Variants in FANCB observed in about 807,000 individuals in gnomAD.
FANCB encodes the protein FA complementation group B, also known as Fanconi anemia group B protein.
In FANCB, 5 loss-of-function variants were observed where a neutral mutation model predicts 38.9. The ratio of observed to expected loss-of-function variants is 0.13; its 90% CI spans 0.07 to 0.27. The LOEUF (loss-of-function observed/expected upper bound fraction) is 0.27, where lower values mean the gene tolerates loss of function less well. Ranked by LOEUF, FANCB falls within the 10% of genes least tolerant of loss-of-function variation. FANCB has a pLI of 1.00. For synonymous variants in FANCB, 236 were observed against 215.4 expected, an observed-to-expected ratio of 1.10 and a Z score of -0.84; for missense variants, 573 against 602.7, an observed-to-expected ratio of 0.95 and a Z score of 0.52.
chrX:14,691,271 CTG>C, the FANCB span, among the ~76,000 whole-genome samples: 6,574 of 84,740 alleles, frequency 0.078, 223 homozygotes, highest in East Asian at 0.15. Flanking sequence ...TAAATATTGA[CTG>C]TGTGTGTGTG....
rs2092409623 is a variant in FANCB, at chrX:14,853,270, C to A, written c.1198-103G>T. 26 of 743,788 alleles carry A rather than the reference C, an allele frequency of 3.5e-5. No individual in the cohort carries two copies. In the South Asian group the frequency reaches 6.7e-4, roughly 19 times the overall value. The allele number at this position is 743,788 out of a possible 1,213,427, so 61.3% of individuals were successfully genotyped here. ...CTTTCTCCAAATGTGCTTATCAATT[C>A]ATTTTTCTATAGAAAATAAAATACT... On this transcript the variant is annotated intron_variant, in intron 5 of 9. Transcript: ENST00000650831.
At chrX:14,710,169 A>G in the FANCB span, among the ~76,000 whole-genome samples, 47 of 111,678 alleles carry the variant, frequency 4.2e-4, no homozygotes, top group South Asian at 0.017. Flanking sequence ...CCAAATATAG[A>G]TCTGATCCTA....
At chrX:14,809,907 A>G in the FANCB span, among the ~76,000 whole-genome samples, 1 of 112,316 alleles carries the variant, frequency 8.9e-6, no homozygotes, top group Non-Finnish European at 1.9e-5. Context: ...CCTGACCCCC[A>G]AGCAGCCTAA....
the FANCB span, among the ~76,000 whole-genome samples, chrX:14,750,230 A>T: frequency 1.8e-5 from 2 of 111,794 alleles, no homozygotes; most frequent in East Asian, 5.7e-4. Context: ...GAGTGTGGGG[A>T]CTTCCCTGGT....
chrX:14,809,115 G>A, the FANCB span, among the ~76,000 whole-genome samples: 1 of 112,341 alleles, frequency 8.9e-6, no homozygotes, highest in Non-Finnish European at 1.9e-5. Context: ...ACTACCCATA[G>A]CAATCTATAG....
chrX:14,780,685 C>T, the FANCB span, among the ~76,000 whole-genome samples: 2 of 110,594 alleles, frequency 1.8e-5, no homozygotes, highest in African/African-American at 6.8e-5. Context: ...CCCTGCATTG[C>T]GGTACAAAAG....
At chrX:14,815,762 C>T in the FANCB span, among the ~76,000 whole-genome samples, 1 of 112,114 alleles carries the variant, frequency 8.9e-6, no homozygotes, top group Non-Finnish European at 1.9e-5. Context: ...ATGGAATCAA[C>T]CTGTCTAAGA....
chrX:14,810,509 C>G, the FANCB span, among the ~76,000 whole-genome samples: 8 of 111,852 alleles, frequency 7.2e-5, no homozygotes, highest in African/African-American at 2.6e-4. Flanking sequence ...TCGAGAACTA[C>G]GCGAAGAAAG....
chrX:14,845,259 C>T lies in FANCB; in HGVS notation c.1524G>A (p.Leu508=). The change falls in exon 8 of 10, where the codon TTG becomes TTA. Residue 508 remains leucine (L), a synonymous_variant. Coordinates refer to ENST00000650831, the MANE Select transcript of FANCB (RefSeq NM_001018113.3). The part of the protein sequence containing the change: ...KLSLNDVTLS[L]LMDQAHDSRF... ...TGGAGTCATGGGCTTGATCCATTAA[C>T]AATGATAAAGTCACATCATTCAGGG... 1.7e-6 allele frequency: 2 copies of T among 1,209,797 alleles called. No homozygotes were observed. The highest frequency in any genetic ancestry group is 1.7e-5 in the African/African-American group (1 of 57,684).
At chrX:14,852,550 T>C (rs749075938) in intron 6 of FANCB, among the ~76,000 whole-genome samples, 12 of 111,264 alleles carry the variant, frequency 1.1e-4, no homozygotes, top group Non-Finnish European at 1.7e-4. Context: ...AAAAAACCCA[T>C]AGCAGTGTAG....
chrX:14,706,375 T>C, the FANCB span, among the ~76,000 whole-genome samples: 57 of 112,474 alleles, frequency 5.1e-4, no homozygotes, highest in African/African-American at 1.7e-3. Flanking sequence ...TGTTGCAATA[T>C]GCACAGTCTA....
the FANCB span, among the ~76,000 whole-genome samples, chrX:14,697,296 A>G: frequency 2.7e-5 from 3 of 111,767 alleles, no homozygotes; most frequent in Non-Finnish European, 5.6e-5. Context: ...TTTGTCCTGG[A>G]TTACTCATTT....
chrX:14,848,835 C>G (rs923663171), intron 7 of FANCB, among the ~76,000 whole-genome samples: 3 of 111,151 alleles, frequency 2.7e-5, no homozygotes, highest in Admixed American at 9.6e-5. Flanking sequence ...AACCTACCCC[C>G]GCCCTCACTA....
At chrX:14,743,434 C>T in the FANCB span, among the ~76,000 whole-genome samples, 2 of 111,385 alleles carry the variant, frequency 1.8e-5, no homozygotes, top group Admixed American at 1.9e-4. Flanking sequence ...AATGTTTCCA[C>T]AGAATCCGTA....
chrX:14,865,609 T>C, intron 2 of FANCB, 29 bp from the exon 3 acceptor site: 1 of 642,951 alleles, frequency 1.6e-6, no homozygotes, highest in Non-Finnish European at 2.5e-6. Context: ...AAAACTGCCA[T>C]GAAGTAGGAA....
the FANCB span, among the ~76,000 whole-genome samples, chrX:14,704,707 C>T: frequency 2.7e-5 from 3 of 111,548 alleles, no homozygotes; most frequent in African/African-American, 9.8e-5. Context: ...GGAAACGACC[C>T]CTGCCTTCTT....
rs754983238 is a variant in FANCB at position 14,859,206 on chromosome X, C to T, written c.1080G>A (p.Thr360=). The T allele has an allele frequency of 7.6e-6, 9 of 1,183,924 alleles. No homozygotes were observed. The African/African-American group carries it at 1.6e-4, about 21-fold the overall frequency. Residue 360 remains threonine, a synonymous_variant, in exon 4 of 10, where the codon ACG becomes ACA. Transcript: ENST00000650831. ...CCGAATAGTTTATTTTTCCAAGATC[C>T]GTTATTTTAAATGAAGTCAGGCAGT... ...NSDCLTSFKI[T]DLGKINYSSE...
At chrX:14,773,758 T>C in the FANCB span, among the ~76,000 whole-genome samples, 1 of 112,087 alleles carries the variant, frequency 8.9e-6, no homozygotes, top group Non-Finnish European at 1.9e-5. Context: ...GAGATATATA[T>C]CACCAGGGCA....
downstream of FANCB, among the ~76,000 whole-genome samples, chrX:14,842,560 T>C (rs2092358237): frequency 8.9e-6 from 1 of 111,985 alleles, no homozygotes; most frequent in Admixed American, 9.5e-5. Flanking sequence ...GCATTCTTAT[T>C]TTTCAAAGAA....
Sources: gnomAD v4.1 joint callset for allele counts (sites outside exome capture counted in the v4.1 genomes callset) on GRCh38, gnomAD v4.1.1 for gene constraint, MANE v1.5 for transcripts, NCBI Gene and HGNC (gene_info 2026-07-23, HGNC 2026-07-21) for gene names.